The following PRR5L variants were observed in gnomAD, a reference collection of about 807,000 sequenced individuals.
PRR5L encodes the protein proline rich 5 like.
PRR5L carries 21 observed loss-of-function variants against 36.4 expected under a neutral mutation model. That is an observed-to-expected ratio of 0.58 (90% CI 0.41 to 0.83). PRR5L has a LOEUF of 0.83. PRR5L is among the 40% of genes least tolerant of loss of function. The pLI, the probability that PRR5L is intolerant of heterozygous loss-of-function variation, is 0.00. For missense variants in PRR5L, 381 were observed against 473.3 expected (o/e 0.80, Z 1.81); for synonymous variants, 188 against 197.0 (o/e 0.95, Z 0.38).
intron 1 of PRR5L, among the ~76,000 whole-genome samples, chr11:36,311,346 T>G (rs1856500530): frequency 6.6e-6 from 1 of 152,166 alleles, no homozygotes; most frequent in African/African-American, 2.4e-5. Context: ...ATTTCTGGCT[T>G]GGATGGGGCA....
chr11:36,351,857 G>T (rs956546368), intron 1 of PRR5L, among the ~76,000 whole-genome samples: 2 of 144,038 alleles, frequency 1.4e-5, no homozygotes, highest in African/African-American at 5.2e-5. Context: ...CCACATTTTT[G>T]CAATTGCGAA....
At position 36,419,958 on chromosome 11, in the gene PRR5L, G is replaced by T. The variant is rs1045082242; in HGVS notation, c.294+655G>T. ...GAATCATACCACATCTGGATCCATT[G>T]TCTGGATCAGTCAGACTTCTCCCCT... On this transcript the variant is annotated intron_variant, in intron 4 of 8. Coordinates refer to ENST00000530639, the MANE Select transcript of PRR5L (RefSeq NM_001160167.2). Among the ~76,000 whole-genome samples the T allele has an allele frequency of 7.2e-5, 11 of 152,346 alleles. No homozygotes were observed. In the East Asian group the frequency reaches 2.1e-3, roughly 29 times the overall value.
chr11:36,377,775 T>C lies in PRR5L; in HGVS notation c.-125-23222T>C, dbSNP rs1284791540. 6.6e-6 allele frequency: 1 copy of C among 152,226 alleles called. No homozygotes were observed. The highest frequency in any genetic ancestry group is 1.9e-4 in the East Asian group (1 of 5,170). The allele number at this position is 152,226 out of a possible 1,614,324, so 9.4% of individuals were successfully genotyped here. The stretch of plus-strand genomic sequence containing the variant: ...GTCCTGCGGTGCGCAAGGTTTCAAT[T>C]ACTGCGATGCGCCCCACAAGACGAA... On this transcript the variant is annotated intron_variant, in intron 1 of 8. Coordinates refer to ENST00000530639, the MANE Select transcript of PRR5L (RefSeq NM_001160167.2). The surrounding 1 kb of genome is among the most constrained non-coding windows in gnomAD (Gnocchi z 5.1).
At chr11:36,296,882 A>T (rs1856317081) in intron 1 of PRR5L, among the ~76,000 whole-genome samples, 1 of 152,194 alleles carries the variant, frequency 6.6e-6, no homozygotes, top group Non-Finnish European at 1.5e-5. Flanking sequence ...GGGTTCTAGA[A>T]TCTGCGCTTT....
intron 1 of PRR5L, among the ~76,000 whole-genome samples, chr11:36,365,469 T>A (rs1192621401): frequency 1.3e-5 from 2 of 152,220 alleles, no homozygotes; most frequent in African/African-American, 2.4e-5. Context: ...TTCCTTAAGC[T>A]GTTAATAGTA....
At chr11:36,419,381 A>T in intron 4 of PRR5L, 78 bp downstream of exon 4, 1 of 1,227,944 alleles carries the variant, frequency 8.1e-7, no homozygotes, top group Non-Finnish European at 1.2e-6. Context: ...CCAATACTGT[A>T]CAGTTGGACA....
intron 1 of PRR5L, among the ~76,000 whole-genome samples, chr11:36,358,578 C>T (rs1180253690): frequency 6.6e-6 from 1 of 152,202 alleles, no homozygotes; most frequent in East Asian, 1.9e-4. Context: ...CCAGGGAACT[C>T]AAACATTTGT....
intron 1 of PRR5L, among the ~76,000 whole-genome samples, chr11:36,391,472 C>G (rs1014501306): frequency 6.6e-5 from 10 of 152,300 alleles, no homozygotes; most frequent in African/African-American, 1.9e-4. Flanking sequence ...GCCTGTGATA[C>G]CTCCCAGTAA....
At chr11:36,383,845 G>A (rs1336635201) in intron 1 of PRR5L, among the ~76,000 whole-genome samples, 3 of 151,980 alleles carry the variant, frequency 2.0e-5, no homozygotes, top group Admixed American at 6.6e-5. Flanking sequence ...ACAGGCGCCT[G>A]CCACCACGCC....
At position 36,351,930 on chromosome 11, in the gene PRR5L, G is replaced by C. The variant is rs548629269; in HGVS notation, c.-125-49067G>C. 9.1e-4 allele frequency among the ~76,000 whole-genome samples: 137 copies of C among 150,622 alleles called. 1 individual carries two copies. The highest frequency in any genetic ancestry group is 3.2e-3 in the African/African-American group (132 of 40,924). ...TTGTATAATGACTTATTTTCCTCTGGGTAGAAACCCACTAGCAGGATTATT... is the reference window on the plus strand; with the variant it reads ...TTGTATAATGACTTATTTTCCTCTGCGTAGAAACCCACTAGCAGGATTATT... On this transcript the variant is annotated intron_variant, in intron 1 of 8. Transcript: ENST00000530639.
chr11:36,319,781 A>C (rs1856595042), intron 1 of PRR5L, among the ~76,000 whole-genome samples: 1 of 151,944 alleles, frequency 6.6e-6, no homozygotes, highest in Non-Finnish European at 1.5e-5. Flanking sequence ...GTTGTGGACA[A>C]TGGAAATCGA....
intron 1 of PRR5L, among the ~76,000 whole-genome samples, chr11:36,315,779 G>T (rs759538534): frequency 1.3e-5 from 2 of 152,230 alleles, no homozygotes; most frequent in Non-Finnish European, 2.9e-5. Flanking sequence ...ATGTGATGTT[G>T]TAAAGGATAT....
intron 1 of PRR5L, among the ~76,000 whole-genome samples, chr11:36,396,498 A>ACT (rs1167509180): frequency 6.6e-6 from 1 of 152,232 alleles, no homozygotes; most frequent in African/African-American, 2.4e-5. Flanking sequence ...CTACTGCGTC[A>ACT]CCAGAAGCAG....
intron 2 of PRR5L, among the ~76,000 whole-genome samples, chr11:36,402,563 A>G (rs934742334): frequency 6.6e-6 from 1 of 152,226 alleles, no homozygotes; most frequent in Non-Finnish European, 1.5e-5. Context: ...ATTTTAAATG[A>G]ATGGACACAG....
chr11:36,387,083 A>C lies in PRR5L; in HGVS notation c.-125-13914A>C, dbSNP rs367907742. ...CTGCCTTCTGTGTGTTTCCTTTAGC[A>C]GTACCTTGGGTGCTGCTGGCTTACC... On this transcript the variant is annotated intron_variant, in intron 1 of 8. Transcript: ENST00000530639. 1.4e-4 allele frequency among the ~76,000 whole-genome samples: 22 copies of C among 152,110 alleles called. No individual in the cohort carries two copies. In the East Asian group the frequency reaches 1.9e-3, roughly 13 times the overall value.
rs61754938 is a variant in PRR5L, at chr11:36,462,502, G to T, written c.873G>T (p.Thr291=). 1 of 1,608,516 alleles carries T rather than the reference G, an allele frequency of 6.2e-7. No homozygotes were observed. The highest frequency in any genetic ancestry group is 2.2e-5 in the East Asian group (1 of 44,838). ...LEKCGSVRRH[T]VANAHSDIQL... ...AGTGTGGCAGCGTGCGGCGGCACAC[G>T]GTGGCCAATGCCCACTCGGACATCC... Residue 291 remains threonine, a synonymous_variant, in exon 9 of 9, where the codon ACG becomes ACT. Transcript: ENST00000530639.
chr11:36,311,747 A>G (rs919892649), intron 1 of PRR5L, among the ~76,000 whole-genome samples: 2 of 152,116 alleles, frequency 1.3e-5, no homozygotes, highest in African/African-American at 4.8e-5. Flanking sequence ...TTAGTGGTGG[A>G]TAGCGTTGGA....
rs945180302 is a variant in PRR5L, at chr11:36,418,452, C to T, written c.246-803C>T. ...GTTCACATCTTGGCTCTGCCACTGA[C>T]TTATTTTGGGGAACTCTCTGAGGCA... On this transcript the variant is annotated intron_variant, in intron 3 of 8. Coordinates refer to ENST00000530639, the MANE Select transcript of PRR5L (RefSeq NM_001160167.2). Among the ~76,000 whole-genome samples, 5 of 152,116 alleles carry T rather than the reference C, an allele frequency of 3.3e-5. No individual in the cohort carries two copies. In the East Asian group the frequency reaches 7.7e-4, roughly 23 times the overall value.
intron 1 of PRR5L, among the ~76,000 whole-genome samples, chr11:36,311,979 A>C (rs1856508524): frequency 2.0e-5 from 3 of 152,200 alleles, no homozygotes; most frequent in Admixed American, 6.5e-5. Context: ...GAATATTCAC[A>C]TGAAAAAAGT....
Sources: gnomAD v4.1 joint callset for allele counts (sites outside exome capture counted in the v4.1 genomes callset) on GRCh38, gnomAD v4.1.1 for gene constraint, Gnocchi (gnomAD v3.1) non-coding constraint, MANE v1.5 for transcripts, NCBI Gene and HGNC (gene_info 2026-07-23, HGNC 2026-07-21) for gene names.